The following PHACTR1 variants were observed in gnomAD, a reference collection of about 807,000 sequenced individuals.
The protein encoded by PHACTR1 is RPEL repeat containing 1.
In PHACTR1, 16 loss-of-function variants were observed where a neutral mutation model predicts 69.2. The observed-to-expected ratio is 0.23, with a 90% CI of 0.16 to 0.35. PHACTR1 has a LOEUF of 0.35. PHACTR1 is among the 10% of genes least tolerant of loss of function. The probability of loss-of-function intolerance (pLI) is 1.00; values close to 1 mark genes in which losing one functional copy is unlikely to be tolerated. For synonymous variants in PHACTR1, 312 were observed against 284.5 expected, an observed-to-expected ratio of 1.10 and a Z score of -0.97; for missense variants, 510 against 734.7, an observed-to-expected ratio of 0.69 and a Z score of 3.54.
At chr6:12,729,526 T>G (rs192804245) in intron 3 of PHACTR1, among the ~76,000 whole-genome samples, 22 of 152,268 alleles carry the variant, frequency 1.4e-4, no homozygotes, top group African/African-American at 5.3e-4. Flanking sequence ...CTGCCTAGGC[T>G]GACAGGTTAT....
chr6:13,281,583 T>A (rs1780237141), intron 12 of PHACTR1: 1 of 180,414 alleles, frequency 5.5e-6, no homozygotes, highest in Non-Finnish European at 1.2e-5. Flanking sequence ...GAAAAGAAAA[T>A]AACACTTTGT....
intron 4 of PHACTR1, among the ~76,000 whole-genome samples, chr6:12,806,242 A>G (rs1220623970): frequency 6.6e-6 from 1 of 152,124 alleles, no homozygotes; most frequent in Non-Finnish European, 1.5e-5. Context: ...TCATTTAAAT[A>G]TATTTATTTT....
intron 4 of PHACTR1, among the ~76,000 whole-genome samples, chr6:12,918,680 G>A (rs1429072494): frequency 1.3e-5 from 2 of 152,128 alleles, no homozygotes; most frequent in African/African-American, 4.8e-5. Context: ...CCTAAATCTT[G>A]CCTCATCATA....
chr6:13,090,665 A>G (rs1310040893), intron 5 of PHACTR1, among the ~76,000 whole-genome samples: 1 of 152,122 alleles, frequency 6.6e-6, no homozygotes, highest in Non-Finnish European at 1.5e-5. Context: ...CCTTCAGAGT[A>G]ACATCCCCAA....
At chr6:13,218,100 A>G (rs542731998) in intron 8 of PHACTR1, among the ~76,000 whole-genome samples, 1 of 152,360 alleles carries the variant, frequency 6.6e-6, no homozygotes, top group South Asian at 2.1e-4. Context: ...GGATGCATTT[A>G]AAATCAGATA....
At chr6:12,734,142 C>T (rs1763931898) in intron 3 of PHACTR1, among the ~76,000 whole-genome samples, 1 of 152,178 alleles carries the variant, frequency 6.6e-6, no homozygotes, top group South Asian at 2.1e-4. Flanking sequence ...TACCATTTGT[C>T]AGGCTCTATG....
chr6:12,928,276 C>T (rs530794829), intron 4 of PHACTR1, among the ~76,000 whole-genome samples: 1 of 152,274 alleles, frequency 6.6e-6, no homozygotes, highest in South Asian at 2.1e-4. Flanking sequence ...CTTTCCAAAG[C>T]TGTTTTCGCT....
chr6:12,856,531 C>G lies in PHACTR1; in HGVS notation c.250+106741C>G, dbSNP rs142207863. Among the ~76,000 whole-genome samples the G allele has an allele frequency of 7.7e-3, 1,168 of 152,308 alleles. 20 individuals carry two copies. The highest frequency in any genetic ancestry group is 0.026 in the African/African-American group (1,063 of 41,572). ...TCAGCCTTCCAAAGTGCTGGGATTA[C>G]AGGCGTGAGCCACTGTGCCTGGCCC... On this transcript the variant is annotated intron_variant, in intron 4 of 14. Coordinates refer to ENST00000332995, the MANE Select transcript of PHACTR1 (RefSeq NM_030948.6).
chr6:13,268,653 A>C (rs1422557637), intron 10 of PHACTR1, among the ~76,000 whole-genome samples: 1 of 152,224 alleles, frequency 6.6e-6, no homozygotes, highest in Admixed American at 6.5e-5. Flanking sequence ...GTCTGAGGTA[A>C]ATAGGTTCAG....
At chr6:13,074,649 G>T (rs1484181341) in intron 5 of PHACTR1, among the ~76,000 whole-genome samples, 1 of 151,984 alleles carries the variant, frequency 6.6e-6, no homozygotes, top group Non-Finnish European at 1.5e-5. Flanking sequence ...ATATATACTT[G>T]CAGAAATATA....
chr6:13,083,991 C>T (rs1027087876), intron 5 of PHACTR1, among the ~76,000 whole-genome samples: 3 of 151,872 alleles, frequency 2.0e-5, no homozygotes, highest in Non-Finnish European at 4.4e-5. Context: ...TGTGACCCAG[C>T]CATCCCATTA....
At chr6:13,059,458 T>TCTCA (rs1491194342) in intron 5 of PHACTR1, among the ~76,000 whole-genome samples, 2 of 148,142 alleles carry the variant, frequency 1.4e-5, no homozygotes, top group African/African-American at 5.0e-5. Context: ...AATGTTCTTA[T>TCTCA]CACACACACA....
chr6:13,074,524 A>T (rs1275856715), intron 5 of PHACTR1, among the ~76,000 whole-genome samples: 1 of 152,206 alleles, frequency 6.6e-6, no homozygotes, highest in Non-Finnish European at 1.5e-5. Flanking sequence ...CTGGCAAAGG[A>T]TAGTAAGACA....
In PHACTR1 at chr6:13,044,868, C is replaced by A. The variant is rs1011227805; in HGVS notation, c.251-8497C>A. Among the ~76,000 whole-genome samples the A allele has an allele frequency of 2.0e-5, 3 of 152,200 alleles. No individual in the cohort carries two copies. In the East Asian group the frequency reaches 5.8e-4, roughly 29 times the overall value. ...CAGGTCCTTAGCAGATAATGTCCTA[C>A]CGGTTCTTCTTGTCCTAGTGATCTA... is the stretch of plus-strand genomic sequence containing the variant. On this transcript the variant is annotated intron_variant, in intron 4 of 14. Transcript: ENST00000332995.
At chr6:13,039,555 C>G (rs1163255916) in intron 4 of PHACTR1, among the ~76,000 whole-genome samples, 1 of 152,192 alleles carries the variant, frequency 6.6e-6, no homozygotes, top group East Asian at 1.9e-4. Context: ...CAGGCACTCT[C>G]CTGAGTTTTT....
At chr6:13,249,601 C>G (rs763853351) in intron 10 of PHACTR1, among the ~76,000 whole-genome samples, 6 of 152,054 alleles carry the variant, frequency 3.9e-5, no homozygotes, top group Non-Finnish European at 7.4e-5. Context: ...GAGTTCAAGA[C>G]CAGCCTGGCT....
intron 4 of PHACTR1, among the ~76,000 whole-genome samples, chr6:12,896,618 G>A (rs1319315357): frequency 6.6e-6 from 1 of 152,100 alleles, no homozygotes; most frequent in Non-Finnish European, 1.5e-5. Context: ...CCTGTTCCCC[G>A]GGAGATTCTA....
chr6:12,778,025 T>A (rs1347213097), intron 4 of PHACTR1, among the ~76,000 whole-genome samples: 3 of 152,146 alleles, frequency 2.0e-5, no homozygotes, highest in South Asian at 2.1e-4. Context: ...CCACAGCAGC[T>A]CACAAGCTGC....
At chr6:13,060,340 G>A (rs972379725) in intron 5 of PHACTR1, among the ~76,000 whole-genome samples, 3 of 152,168 alleles carry the variant, frequency 2.0e-5, no homozygotes, top group Admixed American at 6.5e-5. Flanking sequence ...AAGTTTAGCA[G>A]CTAAGTGGGT....
Sources: allele counts gnomAD v4.1 joint callset (sites outside exome capture counted in the v4.1 genomes callset), GRCh38; gene constraint gnomAD v4.1.1; transcripts MANE v1.5; gene names NCBI Gene and HGNC (gene_info 2026-07-23, HGNC 2026-07-21).